INPP4B: variants seen among roughly 807,000 people sequenced by gnomAD.
INPP4B encodes inositol polyphosphate 4-phosphatase type II.
Under a neutral mutation model 122.5 loss-of-function variants are expected in INPP4B, and 55 were observed. The observed-to-expected ratio is 0.45, with a 90% CI of 0.36 to 0.56. The LOEUF (loss-of-function observed/expected upper bound fraction) is 0.56, where lower values mean the gene tolerates loss of function less well. Ranked by LOEUF, INPP4B falls within the 20% of genes least tolerant of loss-of-function variation. INPP4B has a pLI of 0.00. For synonymous variants in INPP4B, 403 were observed against 388.7 expected, an observed-to-expected ratio of 1.04 and a Z score of -0.43; for missense variants, 1,000 against 1,097.7, an observed-to-expected ratio of 0.91 and a Z score of 1.26.
chr4:142,604,882 T>C (rs1159425256), intron 2 of INPP4B, among the ~76,000 whole-genome samples: 2 of 152,032 alleles, frequency 1.3e-5, no homozygotes, highest in East Asian at 3.9e-4. Flanking sequence ...AAACTTCATA[T>C]AGAACCAAAA....
intron 1 of INPP4B, among the ~76,000 whole-genome samples, chr4:142,758,638 A>G (rs1346034664): frequency 6.6e-6 from 1 of 152,136 alleles, no homozygotes; most frequent in Non-Finnish European, 1.5e-5. Flanking sequence ...CAGAAACATG[A>G]CAAAGAAAGC....
intron 3 of INPP4B, among the ~76,000 whole-genome samples, chr4:142,447,858 G>A (rs890009716): frequency 6.6e-6 from 1 of 152,164 alleles, no homozygotes; most frequent in African/African-American, 2.4e-5. Flanking sequence ...AGAGGAGGCA[G>A]CAAGGAGGTA....
intron 2 of INPP4B, among the ~76,000 whole-genome samples, chr4:142,665,110 T>C (rs1312342296): frequency 6.6e-6 from 1 of 152,186 alleles, no homozygotes; most frequent in East Asian, 1.9e-4. Context: ...CAGACCACCA[T>C]GGGATATGCT....
At chr4:142,297,119 A>G (rs984941796) in intron 9 of INPP4B, among the ~76,000 whole-genome samples, 1 of 152,184 alleles carries the variant, frequency 6.6e-6, no homozygotes, top group South Asian at 2.1e-4. Flanking sequence ...TCAACCTTTT[A>G]TTGCTAAAGT....
intron 12 of INPP4B, among the ~76,000 whole-genome samples, chr4:142,230,677 A>C (rs1853924705): frequency 6.6e-6 from 1 of 151,616 alleles, no homozygotes. Context: ...AAAGAAAAAC[A>C]AAATTGCCTT....
At chr4:142,218,036 TTGTGTGTGTG>T (rs4054980) in intron 12 of INPP4B, among the ~76,000 whole-genome samples, 1 of 149,040 alleles carries the variant, frequency 6.7e-6, no homozygotes, top group African/African-American at 2.5e-5. Flanking sequence ...TTCTAATAAA[TTGTGTGTGTG>T]TGTGTGTGTG....
At chr4:142,337,611 T>C (rs2151634294) in intron 7 of INPP4B, among the ~76,000 whole-genome samples, 1 of 148,010 alleles carries the variant, frequency 6.8e-6, no homozygotes, top group East Asian at 2.0e-4. Flanking sequence ...GGTTCAAATG[T>C]TCTGTTCTTT....
Position 142,603,086 on chromosome 4 carries a change from G to A in INPP4B, c.-191+122753C>T, listed in dbSNP as rs751775467. 4.2e-4 allele frequency among the ~76,000 whole-genome samples: 64 copies of A among 152,144 alleles called. 1 individual carries two copies. The highest frequency in any genetic ancestry group is 8.4e-4 in the Non-Finnish European group (57 of 68,030). On this transcript the variant is annotated intron_variant, in intron 2 of 25. Coordinates refer to ENST00000262992, the MANE Select transcript of INPP4B (RefSeq NM_001101669.3). Reference sequence around the variant, plus strand: ...AGATCATGTCCTTTGCAGGGACATGGATGGAGCTGGAAGCCATTATCCTCA... The same window carrying A: ...AGATCATGTCCTTTGCAGGGACATGAATGGAGCTGGAAGCCATTATCCTCA...
At chr4:142,328,070 C>G (rs763343117) in intron 7 of INPP4B, among the ~76,000 whole-genome samples, 1 of 152,166 alleles carries the variant, frequency 6.6e-6, no homozygotes, top group Non-Finnish European at 1.5e-5. Context: ...GGCACTAGAA[C>G]CACGCTTTTC....
intron 2 of INPP4B, among the ~76,000 whole-genome samples, chr4:142,583,818 C>A (rs1735611450): frequency 6.6e-6 from 1 of 151,800 alleles, no homozygotes; most frequent in Admixed American, 6.6e-5. Context: ...CCTTTCTTTC[C>A]CCAAATTATA....
intron 2 of INPP4B, among the ~76,000 whole-genome samples, chr4:142,601,338 A>T (rs1038637865): frequency 5.3e-5 from 8 of 152,156 alleles, no homozygotes; most frequent in African/African-American, 1.9e-4. Context: ...TCAAAAAATT[A>T]AAATCATATC....
intron 25 of INPP4B, among the ~76,000 whole-genome samples, chr4:142,077,469 T>C (rs1354669386): frequency 6.6e-6 from 1 of 151,980 alleles, no homozygotes; most frequent in Non-Finnish European, 1.5e-5. Flanking sequence ...ACAATTATTT[T>C]TTGTTCAAAT....
At chr4:142,781,566 G>T (rs181186379) in intron 1 of INPP4B, among the ~76,000 whole-genome samples, 2 of 152,150 alleles carry the variant, frequency 1.3e-5, no homozygotes, top group East Asian at 3.9e-4. Context: ...AACATGAATT[G>T]GATTGATTGT....
At chr4:142,062,738 C>T (rs927770174) in intron 25 of INPP4B, among the ~76,000 whole-genome samples, 2 of 126,528 alleles carry the variant, frequency 1.6e-5, no homozygotes, top group African/African-American at 2.7e-5. Flanking sequence ...TCCGTCCCCC[C>T]GCAAAAACAA....
intron 7 of INPP4B, among the ~76,000 whole-genome samples, chr4:142,350,783 G>A (rs1421289804): frequency 6.6e-6 from 1 of 151,942 alleles, no homozygotes; most frequent in East Asian, 1.9e-4. Context: ...ACATTGGAAA[G>A]CATTTTACAT....
Position 142,401,657 on chromosome 4 carries a change from A to G in INPP4B, c.372+1281T>C, listed in dbSNP as rs1409179786. Among the ~76,000 whole-genome samples the G allele has an allele frequency of 2.0e-5, 3 of 152,172 alleles. No individual in the cohort carries two copies. In the East Asian group the frequency reaches 5.8e-4, roughly 29 times the overall value. On this transcript the variant is annotated intron_variant, in intron 7 of 25. Transcript: ENST00000262992. Reference sequence around the variant, plus strand: ...ACTCTGTAACAGTCAGTAACACTTTACGTATATTAATTAATTTAATCCTTA... The same window carrying G: ...ACTCTGTAACAGTCAGTAACACTTTGCGTATATTAATTAATTTAATCCTTA...
intron 2 of INPP4B, among the ~76,000 whole-genome samples, chr4:142,479,796 G>C (rs926126216): frequency 6.6e-6 from 1 of 152,026 alleles, no homozygotes; most frequent in South Asian, 2.1e-4. Flanking sequence ...ATAGATACTG[G>C]GGCCTATTTG....
At position 142,533,521 on chromosome 4, in the gene INPP4B, C is replaced by T. The variant is rs184460408; in HGVS notation, c.-190-70795G>A. Among the ~76,000 whole-genome samples the T allele has an allele frequency of 1.5e-3, 222 of 151,884 alleles. 4 individuals carry two copies. Among genetic ancestry groups the T allele is most frequent in the Admixed American group, 0.012 (180 of 15,244 alleles). ...TATAATACAGGATGACTCAACAACA[C>T]CCCAAGAACATAGTAGGAACTGCTG... On this transcript the variant is annotated intron_variant, in intron 2 of 25. Coordinates refer to ENST00000262992, the MANE Select transcript of INPP4B (RefSeq NM_001101669.3).
At chr4:142,102,329 T>C (rs1578903659) in intron 23 of INPP4B, among the ~76,000 whole-genome samples, 2 of 152,090 alleles carry the variant, frequency 1.3e-5, no homozygotes, top group East Asian at 3.9e-4. Context: ...GTCCTTGACA[T>C]GCACTCACAG....
Sources: gnomAD v4.1 joint callset for allele counts (sites outside exome capture counted in the v4.1 genomes callset) on GRCh38, gnomAD v4.1.1 for gene constraint, MANE v1.5 for transcripts, NCBI Gene and HGNC (gene_info 2026-07-23, HGNC 2026-07-21) for gene names.